The following MYT1L variants were observed in gnomAD, a reference collection of about 807,000 sequenced individuals.
The protein encoded by MYT1L is myelin transcription factor 1-like protein.
Under a neutral mutation model 126.7 loss-of-function variants are expected in MYT1L, and 12 were observed. The ratio of observed to expected loss-of-function variants is 0.09; its 90% CI spans 0.06 to 0.15. MYT1L has a LOEUF of 0.15. MYT1L is among the 10% of genes least tolerant of loss of function. MYT1L has a pLI of 1.00. For synonymous variants in MYT1L, 541 were observed against 604.2 expected (o/e 0.90, Z 1.53); for missense variants, 979 against 1,585.2 (o/e 0.62, Z 6.49).
At chr2:2,111,957 T>C (rs534703692) in intron 3 of MYT1L, among the ~76,000 whole-genome samples, 2 of 152,380 alleles carry the variant, frequency 1.3e-5, no homozygotes, top group Non-Finnish European at 2.9e-5. Context: ...TGAAACAATT[T>C]GCGTCAGGTA....
chr2:2,024,220 C>T (rs1003758791), intron 4 of MYT1L, among the ~76,000 whole-genome samples: 8 of 152,178 alleles, frequency 5.3e-5, no homozygotes, highest in African/African-American at 1.9e-4. Flanking sequence ...AATATATATA[C>T]TACATTATTA....
chr2:1,920,095 C>T (rs912469396), intron 10 of MYT1L, among the ~76,000 whole-genome samples: 17 of 152,122 alleles, frequency 1.1e-4, no homozygotes, highest in Non-Finnish European at 1.3e-4. Flanking sequence ...CTGACAGATA[C>T]GGAAATGAGC....
chr2:2,225,225 C>T (rs970309138), intron 2 of MYT1L, among the ~76,000 whole-genome samples: 1 of 152,236 alleles, frequency 6.6e-6, no homozygotes, highest in African/African-American at 2.4e-5. Context: ...CTCCCCTCAA[C>T]TAACCAACCC....
intron 5 of MYT1L, among the ~76,000 whole-genome samples, chr2:1,986,982 T>C (rs1483272244): frequency 6.6e-6 from 1 of 152,234 alleles, no homozygotes; most frequent in Non-Finnish European, 1.5e-5. Flanking sequence ...TTCAAGAATT[T>C]AACTATTTTT....
chr2:2,078,068 T>C (rs1314017382), intron 3 of MYT1L, among the ~76,000 whole-genome samples: 4 of 152,160 alleles, frequency 2.6e-5, no homozygotes, highest in African/African-American at 9.7e-5. Flanking sequence ...AATGGAAGAA[T>C]ATGGTAACAA....
chr2:2,096,426 C>T (rs2077476059), intron 3 of MYT1L, among the ~76,000 whole-genome samples: 2 of 152,350 alleles, frequency 1.3e-5, no homozygotes, highest in East Asian at 1.9e-4. Context: ...CTATATCAAA[C>T]ATGAGTTCAT....
At chr2:1,950,788 G>A (rs1435453328) in intron 8 of MYT1L, among the ~76,000 whole-genome samples, 1 of 152,320 alleles carries the variant, frequency 6.6e-6, no homozygotes, top group Admixed American at 6.5e-5. Context: ...TCCGGACAGT[G>A]TAGACAGTGG....
intron 3 of MYT1L, among the ~76,000 whole-genome samples, chr2:2,054,663 G>A (rs2069259195): frequency 6.6e-6 from 1 of 151,970 alleles, no homozygotes; most frequent in Non-Finnish European, 1.5e-5. Context: ...ACGGAGATGA[G>A]GTGCATGGAG....
At chr2:2,173,643 A>G (rs139888752) in intron 2 of MYT1L, among the ~76,000 whole-genome samples, 2 of 152,364 alleles carry the variant, frequency 1.3e-5, no homozygotes, top group East Asian at 3.8e-4. Flanking sequence ...GAGAGAATTT[A>G]TTTTGTTAAA....
intron 3 of MYT1L, among the ~76,000 whole-genome samples, chr2:2,154,398 TATTCAC>T (rs1317074780): frequency 6.6e-6 from 1 of 152,214 alleles, no homozygotes; most frequent in East Asian, 1.9e-4. Flanking sequence ...ATTGCAGCAC[TATTCAC>T]AATAGCAAAG....
In MYT1L at chr2:2,292,163, A is replaced by T. The variant is rs766648700; in HGVS notation, c.-520-7660T>A. On this transcript the variant is annotated intron_variant, in intron 1 of 24. Transcript: ENST00000647738. ...CAGGTGAAGGCTCTACTATCCTCAG[A>T]TGCAAGAATTCCTGCAGAGTGACTG... Among the ~76,000 whole-genome samples, 3 of 152,188 alleles carry T rather than the reference A, an allele frequency of 2.0e-5. No homozygotes were observed. The South Asian group carries it at 6.2e-4, about 32-fold the overall frequency.
At chr2:1,837,992 A>G (rs1313171918) in intron 21 of MYT1L, among the ~76,000 whole-genome samples, 1 of 151,122 alleles carries the variant, frequency 6.6e-6, no homozygotes, top group Non-Finnish European at 1.5e-5. Context: ...GCTCACTGCA[A>G]CCTCCGCCCC....
At chr2:1,812,884 A>G (rs1398440442) in intron 21 of MYT1L, among the ~76,000 whole-genome samples, 1 of 151,446 alleles carries the variant, frequency 6.6e-6, no homozygotes, top group Non-Finnish European at 1.5e-5. Flanking sequence ...TCAAAAAAAA[A>G]AAAAAAAAAA....
At chr2:2,102,642 G>GTGTA (rs1559016546) in intron 3 of MYT1L, among the ~76,000 whole-genome samples, 1 of 146,012 alleles carries the variant, frequency 6.8e-6, no homozygotes, top group African/African-American at 2.5e-5. Flanking sequence ...GTGTGTGTGT[G>GTGTA]TATAAAGTTA....
chr2:1,794,076 G>T lies in MYT1L; in HGVS notation c.3277-1612C>A, dbSNP rs116248363. Among the ~76,000 whole-genome samples the T allele has an allele frequency of 3.9e-3, 593 of 152,298 alleles. 2 individuals are homozygous for T. Among genetic ancestry groups the T allele is most frequent in the Non-Finnish European group, 6.5e-3 (444 of 67,998 alleles). On this transcript the variant is annotated intron_variant, in intron 23 of 24. Coordinates refer to ENST00000647738, the MANE Select transcript of MYT1L (RefSeq NM_001303052.2). The stretch of plus-strand genomic sequence containing the variant: ...TCTAGAATGAGGCGTCATGGCCCAG[G>T]TCCCGAGGTTTTTAAAAAGGTACAC...
chr2:1,833,195 G>T (rs1000236960), intron 21 of MYT1L, among the ~76,000 whole-genome samples: 1 of 152,162 alleles, frequency 6.6e-6, no homozygotes, highest in African/African-American at 2.4e-5. Flanking sequence ...TCTGTCCCGT[G>T]GTTGGCCTTG....
At chr2:2,099,542 G>A (rs2077815868) in intron 3 of MYT1L, among the ~76,000 whole-genome samples, 1 of 152,092 alleles carries the variant, frequency 6.6e-6, no homozygotes, top group Non-Finnish European at 1.5e-5. Context: ...TCTAAGAAAT[G>A]TTATTACCAC....
chr2:1,931,947 C>A (rs1307939458), intron 9 of MYT1L, among the ~76,000 whole-genome samples: 4 of 152,190 alleles, frequency 2.6e-5, no homozygotes, highest in Non-Finnish European at 5.9e-5. Context: ...ACCTGTCCCC[C>A]CTTCACACAT....
intron 3 of MYT1L, among the ~76,000 whole-genome samples, chr2:2,112,441 T>C (rs1381473359): frequency 6.6e-6 from 1 of 152,180 alleles, no homozygotes; most frequent in Non-Finnish European, 1.5e-5. Flanking sequence ...AACTATAAAT[T>C]CAAAGAAAAA....
Sources: gnomAD v4.1 joint callset for allele counts (sites outside exome capture counted in the v4.1 genomes callset) on GRCh38, gnomAD v4.1.1 for gene constraint, MANE v1.5 for transcripts, NCBI Gene and HGNC (gene_info 2026-07-23, HGNC 2026-07-21) for gene names.